DNAH6: variants seen among roughly 807,000 people sequenced by gnomAD.
DNAH6 encodes the protein dynein axonemal heavy chain 6, also known as axonemal beta dynein heavy chain 6.
Under a neutral mutation model 491.4 loss-of-function variants are expected in DNAH6, and 340 were observed. The ratio of observed to expected loss-of-function variants is 0.69; its 90% confidence interval spans 0.63 to 0.76. The LOEUF (loss-of-function observed/expected upper bound fraction) is 0.76. DNAH6 is among the 30% of genes least tolerant of loss of function. The pLI is 0.00. For missense variants in DNAH6, 4,443 were observed against 4,972.2 expected (o/e 0.89, Z 3.20); for synonymous variants, 1,603 against 1,686.1 (o/e 0.95, Z 1.21).
At chr2:84,641,306 G>C (rs962708862) in intron 32 of DNAH6, among the ~76,000 whole-genome samples, 2 of 152,116 alleles carry the variant, frequency 1.3e-5, no homozygotes, top group African/African-American at 4.8e-5. Flanking sequence ...GAATCTCCCT[G>C]CACTTTCCTA....
chr2:84,697,496 A>C (rs1695502350), intron 46 of DNAH6, 79 bp from the exon 47 acceptor site: 7 of 1,360,522 alleles, frequency 5.1e-6, no homozygotes, highest in Non-Finnish European at 6.9e-6. Context: ...GATTCATGTG[A>C]ATTTTAGAAT....
At chr2:84,773,794 A>G (rs752045609) in intron 64 of DNAH6, among the ~76,000 whole-genome samples, 48 of 152,070 alleles carry the variant, frequency 3.2e-4, no homozygotes, top group Non-Finnish European at 5.2e-4. Flanking sequence ...CTGGTGTGAA[A>G]TGGTATCTCA....
intron 64 of DNAH6, among the ~76,000 whole-genome samples, chr2:84,779,895 C>T (rs1290117842): frequency 2.0e-5 from 3 of 152,140 alleles, no homozygotes; most frequent in African/African-American, 7.2e-5. Context: ...GCTTATGAAG[C>T]TTAGTCTGAC....
At chr2:84,727,530 T>C (rs930268227) in intron 60 of DNAH6, 139 bp from the exon 61 acceptor site, 22 of 619,410 alleles carry the variant, frequency 3.6e-5, no homozygotes, top group Middle Eastern at 3.3e-4. Flanking sequence ...CAAGAACCTA[T>C]TGGGCACATT....
In DNAH6 at chr2:84,640,520, C is replaced by A; in HGVS notation, c.4912C>A (p.Gln1638Lys). ...MYKLCSEQLS[Q>K]QDHYDFGMRA... Reference sequence around the variant, plus strand: ...TAAGCTTTGCAGTGAGCAGCTGTCTCAGCAGGATCACTACGACTTTGGCAT... The same window carrying A: ...TAAGCTTTGCAGTGAGCAGCTGTCTAAGCAGGATCACTACGACTTTGGCAT... Residue 1638 changes from glutamine to lysine, a missense_variant, in exon 32 of 77, where the codon CAG becomes AAG. Gln to Lys is a moderately conservative substitution (Grantham distance 53). Around this residue, in one of 3 missense-constraint regions of DNAH6, gnomAD observed 2,977 missense variants for 3,296.6 expected, o/e 0.90. Transcript: ENST00000389394. The A allele has an allele frequency of 6.4e-7, 1 of 1,551,262 alleles. No homozygotes were observed. The highest frequency in any genetic ancestry group is 1.2e-5 in the South Asian group (1 of 84,012).
intron 35 of DNAH6, among the ~76,000 whole-genome samples, chr2:84,656,731 A>G (rs1442626898): frequency 1.3e-5 from 2 of 152,052 alleles, no homozygotes; most frequent in African/African-American, 4.8e-5. Flanking sequence ...CTCCTAGTCT[A>G]TGGCTTGTCT....
chr2:84,725,020 G>A (rs1412637390), intron 60 of DNAH6, among the ~76,000 whole-genome samples: 2 of 152,068 alleles, frequency 1.3e-5, no homozygotes, highest in Non-Finnish European at 2.9e-5. Context: ...GTTACCCCAC[G>A]TTGTCTTGGG....
intron 35 of DNAH6, 41 bp downstream of exon 35, chr2:84,654,823 G>T: frequency 6.5e-7 from 1 of 1,546,334 alleles, no homozygotes; most frequent in South Asian, 1.2e-5. Context: ...CCATCTGTCA[G>T]GACTCATGTT....
chr2:84,505,916 C>T, the DNAH6 span, among the ~76,000 whole-genome samples: 9 of 152,168 alleles, frequency 5.9e-5, no homozygotes, highest in Non-Finnish European at 1.2e-4. Flanking sequence ...GCATAGTATT[C>T]CATGGTGTGT....
chr2:84,552,706 A>G (rs1040265079), intron 9 of DNAH6, among the ~76,000 whole-genome samples: 1 of 152,116 alleles, frequency 6.6e-6, no homozygotes, highest in Non-Finnish European at 1.5e-5. Context: ...TAGTATTTTT[A>G]CAAGGAGAGA....
chr2:84,659,001 A>T, intron 36 of DNAH6, 25 bp from the exon 37 acceptor site: 1 of 1,288,660 alleles, frequency 7.8e-7, no homozygotes, highest in South Asian at 1.5e-5. Flanking sequence ...TAAAATATTA[A>T]GTCTGTTTCT....
In DNAH6 at chr2:84,797,536, G is replaced by T; in HGVS notation, c.11360-1G>T. The T allele has an allele frequency of 6.5e-7, 1 of 1,549,198 alleles. No homozygotes were observed. Among genetic ancestry groups the T allele is most frequent in the Non-Finnish European group, 8.7e-7 (1 of 1,145,910 alleles). On this transcript the variant is annotated splice_acceptor_variant, in intron 69 of 76. Transcript: ENST00000389394. LOFTEE classifies it high-confidence loss of function. Reference sequence around the variant, plus strand: ...TTTGTCTTCTGTGTTTTTAATAACAGGCATCTATTTTGCACCCATGGCTGA... The same window carrying T: ...TTTGTCTTCTGTGTTTTTAATAACATGCATCTATTTTGCACCCATGGCTGA...
chr2:84,517,705 A>C, intron 1 of DNAH6, 114 bp from the exon 2 acceptor site: 1 of 753,404 alleles, frequency 1.3e-6, no homozygotes, highest in Non-Finnish European at 2.1e-6. Flanking sequence ...GTTTTATTTG[A>C]GGGAAGTGAG....
At chr2:84,733,322 C>T (rs375529416) in intron 61 of DNAH6, 122 bp from the exon 62 acceptor site, 1 of 798,818 alleles carries the variant, frequency 1.3e-6, no homozygotes, top group South Asian at 1.9e-5. Flanking sequence ...TATTGTACTA[C>T]TTGTCCTAGG....
At chr2:84,681,871 A>T (rs928595309) in intron 42 of DNAH6, among the ~76,000 whole-genome samples, 1 of 152,036 alleles carries the variant, frequency 6.6e-6, no homozygotes, top group Non-Finnish European at 1.5e-5. Context: ...TCCTTCTAAT[A>T]CCGAACCCAG....
chr2:84,637,764 C>T (rs998978316), intron 31 of DNAH6, among the ~76,000 whole-genome samples: 2 of 152,132 alleles, frequency 1.3e-5, no homozygotes, highest in Non-Finnish European at 2.9e-5. Flanking sequence ...AAGTAGAAGC[C>T]TCCTCACTAT....
intron 70 of DNAH6, among the ~76,000 whole-genome samples, chr2:84,798,716 G>A (rs910469422): frequency 2.6e-5 from 4 of 152,184 alleles, no homozygotes; most frequent in African/African-American, 9.7e-5. Flanking sequence ...TCCTGTGGGA[G>A]AGTGCCCACA....
intron 14 of DNAH6, among the ~76,000 whole-genome samples, chr2:84,580,957 C>T (rs1334740618): frequency 2.0e-5 from 3 of 152,198 alleles, no homozygotes; most frequent in Non-Finnish European, 2.9e-5. Flanking sequence ...GGGTCTGCTT[C>T]ACTTCTCTCC....
At chr2:84,752,845 A>C (rs1673602482) in intron 63 of DNAH6, among the ~76,000 whole-genome samples, 2 of 152,060 alleles carry the variant, frequency 1.3e-5, no homozygotes, top group Admixed American at 6.6e-5. Flanking sequence ...CCACTTTCTG[A>C]CTATTATGAA....
Sources: allele counts gnomAD v4.1 joint callset (sites outside exome capture counted in the v4.1 genomes callset), GRCh38; gene constraint gnomAD v4.1.1; regional missense constraint gnomAD v4.1.1; transcripts MANE v1.5; gene names NCBI Gene and HGNC (gene_info 2026-07-23, HGNC 2026-07-21).